SYCP2L: variants seen among roughly 807,000 people sequenced by gnomAD.
SYCP2L encodes synaptonemal complex protein 2-like.
SYCP2L carries 98 observed loss-of-function variants against 125.8 expected under a neutral mutation model. The ratio of observed to expected loss-of-function variants is 0.78; its 90% confidence interval spans 0.66 to 0.92. The LOEUF is 0.92. SYCP2L is among the 40% of genes least tolerant of loss of function. SYCP2L has a pLI of 0.00. For missense variants in SYCP2L, 842 were observed against 936.4 expected (o/e 0.90, Z 1.32); for synonymous variants, 317 against 325.4 (o/e 0.97, Z 0.28).
chr6:10,928,903 CTCTTT>C (rs777785514), intron 18 of SYCP2L, among the ~76,000 whole-genome samples: 19 of 147,970 alleles, frequency 1.3e-4, no homozygotes, highest in Non-Finnish European at 2.1e-4. Context: ...TTTGTGTATA[CTCTTT>C]TCTTTACTTT....
chr6:10,891,647 GTGTGTGTGTGTGTGTGTATGTGTA>G, intron 2 of SYCP2L, 66 bp downstream of exon 2: 1 of 859,888 alleles, frequency 1.2e-6, no homozygotes, highest in Non-Finnish European at 1.9e-6. Context: ...GTGTGTGTGT[GTGTGTGTGTGTGTGTGTATGTGTA>G]TATGAGTGTA....
chr6:10,905,142 C>CAAAAAAAAAAAAAAAAAA (rs34659978), intron 8 of SYCP2L, among the ~76,000 whole-genome samples: 3 of 54,650 alleles, frequency 5.5e-5, no homozygotes, highest in African/African-American at 7.2e-5. Context: ...GACTTGGTCT[C>CAAAAAAAAAAAAAAAAAA]AAAAAAAAAA....
chr6:10,932,688 C>T (rs1781016547), intron 20 of SYCP2L, among the ~76,000 whole-genome samples: 1 of 152,028 alleles, frequency 6.6e-6, no homozygotes, highest in African/African-American at 2.4e-5. Flanking sequence ...AGAAATGGAC[C>T]CAAAGAACAG....
chr6:10,945,630 T>A (rs1781301619), intron 23 of SYCP2L, among the ~76,000 whole-genome samples: 1 of 151,954 alleles, frequency 6.6e-6, no homozygotes, highest in South Asian at 2.1e-4. Context: ...ATTAACCAGG[T>A]GTGATGGTGC....
chr6:10,963,938 C>T, intron 29 of SYCP2L, 95 bp downstream of exon 29: 2 of 835,852 alleles, frequency 2.4e-6, no homozygotes, highest in Middle Eastern at 2.4e-4. Flanking sequence ...GTTCATATGA[C>T]ATTTCTGCAG....
At chr6:10,926,461 C>G in intron 16 of SYCP2L, 29 bp downstream of exon 16, 2 of 1,553,390 alleles carry the variant, frequency 1.3e-6, no homozygotes, top group Non-Finnish European at 1.8e-6. Context: ...AAATTCTGAC[C>G]CTGAGTTTTC....
intron 8 of SYCP2L, among the ~76,000 whole-genome samples, chr6:10,904,748 A>C (rs1419836176): frequency 6.6e-6 from 1 of 152,210 alleles, no homozygotes; most frequent in Non-Finnish European, 1.5e-5. Flanking sequence ...TCTATTTAAT[A>C]GTAACAAGTC....
intron 5 of SYCP2L, 118 bp from the exon 6 acceptor site, chr6:10,898,706 T>G: frequency 1.3e-6 from 1 of 743,312 alleles, no homozygotes; most frequent in Non-Finnish European, 2.3e-6. Flanking sequence ...TAAAATGCTT[T>G]TCTTCTGTAA....
chr6:10,932,536 C>T (rs1781014063), intron 20 of SYCP2L, among the ~76,000 whole-genome samples: 1 of 151,796 alleles, frequency 6.6e-6, no homozygotes, highest in Admixed American at 6.5e-5. Context: ...CATCGTCTGT[C>T]TTCCATCAGC....
chr6:10,930,621 T>C, intron 19 of SYCP2L, 107 bp downstream of exon 19: 2 of 1,291,644 alleles, frequency 1.5e-6, no homozygotes, highest in Non-Finnish European at 2.1e-6. Flanking sequence ...AATATATGAT[T>C]ATGGGGCCAG....
chr6:10,935,489 T>C (rs907704778), intron 21 of SYCP2L, among the ~76,000 whole-genome samples: 1 of 152,058 alleles, frequency 6.6e-6, no homozygotes, highest in African/African-American at 2.4e-5. Context: ...GTTCCAATAG[T>C]AAATATTTTT....
intron 29 of SYCP2L, among the ~76,000 whole-genome samples, chr6:10,966,064 A>G (rs1030453273): frequency 6.6e-6 from 1 of 152,090 alleles, no homozygotes; most frequent in African/African-American, 2.4e-5. Context: ...AGTGGGCTGA[A>G]GTCATGCCAC....
At chr6:10,893,071 G>A (rs1339954503) in intron 2 of SYCP2L, among the ~76,000 whole-genome samples, 2 of 151,240 alleles carry the variant, frequency 1.3e-5, no homozygotes, top group Non-Finnish European at 2.9e-5. Flanking sequence ...GCAGTGGTGC[G>A]ATCTCGACTC....
chr6:10,930,950 G>A (rs914251886), intron 19 of SYCP2L, among the ~76,000 whole-genome samples: 2 of 152,142 alleles, frequency 1.3e-5, no homozygotes, highest in Non-Finnish European at 2.9e-5. Flanking sequence ...AGGTGGGAGG[G>A]TTGTTTGAGC....
In SYCP2L at chr6:10,928,438, C is replaced by T. The variant is rs377724008; in HGVS notation, c.1476C>T (p.Phe492=). The T allele has an allele frequency of 4.5e-5, 72 of 1,586,010 alleles. No individual in the cohort carries two copies. The South Asian group carries it at 7.4e-4, about 16-fold the overall frequency. Reference sequence around the variant, plus strand: ...TCCCTCCGTTCGGGGTCCCTGACTTCCCGCAACAACCTGTGAGTACAGGGA... The same window carrying T: ...TCCCTCCGTTCGGGGTCCCTGACTTTCCGCAACAACCTGTGAGTACAGGGA... ...QPVPPFGVPD[F]PQQPKSHYRK... Residue 492 remains phenylalanine (F), a synonymous_variant, in exon 18 of 30, where the codon TTC becomes TTT. Coordinates refer to ENST00000283141, the MANE Select transcript of SYCP2L (RefSeq NM_001040274.3).
intron 16 of SYCP2L, 115 bp downstream of exon 16, chr6:10,926,547 C>A: frequency 1.4e-6 from 1 of 730,652 alleles, no homozygotes; most frequent in Non-Finnish European, 2.3e-6. Context: ...TGTCTGATGG[C>A]ACTTCTGGAG....
chr6:10,961,435 A>C (rs778351205), intron 27 of SYCP2L, 31 bp downstream of exon 27: 3 of 1,613,488 alleles, frequency 1.9e-6, no homozygotes, highest in Non-Finnish European at 1.7e-6. Context: ...ACATTTTCTG[A>C]CTTCGGATCT....
At chr6:10,938,616 T>C (rs996026901) in intron 21 of SYCP2L, among the ~76,000 whole-genome samples, 8 of 152,234 alleles carry the variant, frequency 5.3e-5, no homozygotes, top group Non-Finnish European at 2.9e-5. Flanking sequence ...TTAAATTGTT[T>C]TTGTTTAAAG....
intron 14 of SYCP2L, among the ~76,000 whole-genome samples, chr6:10,919,795 A>G (rs1780759805): frequency 6.6e-6 from 1 of 151,976 alleles, no homozygotes; most frequent in African/African-American, 2.4e-5. Flanking sequence ...CAATGGAGTT[A>G]TGTTCCTAGG....
Sources: gnomAD v4.1 joint callset for allele counts (sites outside exome capture counted in the v4.1 genomes callset) on GRCh38, gnomAD v4.1.1 for gene constraint, MANE v1.5 for transcripts, NCBI Gene and HGNC (gene_info 2026-07-23, HGNC 2026-07-21) for gene names.